Variants in KIRREL3 observed in about 807,000 individuals in gnomAD.
KIRREL3 encodes the protein kin of IRRE-like protein 3.
A neutral mutation model predicts 89.7 loss-of-function variants in KIRREL3; 36 were observed. The ratio of observed to expected loss-of-function variants is 0.40; its 90% CI spans 0.31 to 0.53. KIRREL3 has a LOEUF of 0.53. Ranked by LOEUF, KIRREL3 falls within the 20% of genes least tolerant of loss-of-function variation. KIRREL3 has a pLI of 0.49. For synonymous variants in KIRREL3, 445 were observed against 441.4 expected (o/e 1.01, Z -0.10); for missense variants, 864 against 1,056.6 (o/e 0.82, Z 2.53).
At chr11:126,790,450 A>T (rs1202923932) in intron 1 of KIRREL3, among the ~76,000 whole-genome samples, 1 of 152,146 alleles carries the variant, frequency 6.6e-6, no homozygotes, top group African/African-American at 2.4e-5. Flanking sequence ...CAGTTTCTTG[A>T]TCTATAAAAT....
At chr11:126,452,215 T>A (rs928593336) in intron 7 of KIRREL3, among the ~76,000 whole-genome samples, 2 of 152,166 alleles carry the variant, frequency 1.3e-5, no homozygotes, top group African/African-American at 4.8e-5. Context: ...GCAAACCATA[T>A]CTCCCTTAGA....
rs1056140098 is a variant in KIRREL3, at chr11:126,814,208, C to G, written c.55+186247G>C. 7.9e-5 allele frequency among the ~76,000 whole-genome samples: 12 copies of G among 151,996 alleles called. No homozygotes were observed. The highest frequency in any genetic ancestry group is 6.6e-4 in the Admixed American group (10 of 15,256). On this transcript the variant is annotated intron_variant, in intron 1 of 16. Coordinates refer to ENST00000525144, the MANE Select transcript of KIRREL3 (RefSeq NM_032531.4). This position sits in a 1 kb window ranked among gnomAD's most constrained non-coding sequence, Gnocchi z 4.4. ...TGCAAATAAAAACCACAATGACATA[C>G]CATCTCATGCCAGGCAGAATGGCTT...
In KIRREL3 at chr11:126,431,307, C is replaced by T. The variant is rs763098522; in HGVS notation, c.1696+112G>A. 3.9e-5 allele frequency: 60 copies of T among 1,553,730 alleles called. No homozygotes were observed. Among genetic ancestry groups the T allele is most frequent in the Non-Finnish European group, 4.8e-5 (55 of 1,148,364 alleles). On this transcript the variant is annotated intron_variant, in intron 14 of 16. Transcript: ENST00000525144. This position sits in a 1 kb window ranked among gnomAD's most constrained non-coding sequence, Gnocchi z 7.1. The stretch of plus-strand genomic sequence containing the variant: ...CACTCCCTGCCCCAGGAGCTCACAG[C>T]ACTGTTAGGACCCCTGTTCATTGCA...
intron 1 of KIRREL3, among the ~76,000 whole-genome samples, chr11:126,588,144 G>A (rs900442709): frequency 6.6e-6 from 1 of 152,190 alleles, no homozygotes; most frequent in Non-Finnish European, 1.5e-5. Context: ...CCGGCTCATG[G>A]AATCATTGTG....
chr11:126,668,820 T>C lies in KIRREL3; in HGVS notation c.56-105908A>G, dbSNP rs546519663. Among the ~76,000 whole-genome samples the C allele has an allele frequency of 1.0e-3, 156 of 151,880 alleles. 1 individual carries two copies. Among genetic ancestry groups the C allele is most frequent in the Non-Finnish European group, 1.7e-3 (115 of 67,968 alleles). ...GGTGGCTCACCTGGGCTTTTAATAA[T>C]GTTTGGCTCCATTTTAAACCCCTGG... On this transcript the variant is annotated intron_variant, in intron 1 of 16. Coordinates refer to ENST00000525144, the MANE Select transcript of KIRREL3 (RefSeq NM_032531.4). This position sits in a 1 kb window ranked among gnomAD's most constrained non-coding sequence, Gnocchi z 4.4.
At chr11:126,630,554 G>C (rs545304093) in intron 1 of KIRREL3, among the ~76,000 whole-genome samples, 1 of 152,296 alleles carries the variant, frequency 6.6e-6, no homozygotes, top group South Asian at 2.1e-4. Context: ...ACTCCACTCA[G>C]ATACACTCTC....
At chr11:126,982,009 G>A (rs1949735841) in intron 1 of KIRREL3, among the ~76,000 whole-genome samples, 1 of 152,100 alleles carries the variant, frequency 6.6e-6, no homozygotes, top group African/African-American at 2.4e-5. Flanking sequence ...AATAAATAGG[G>A]GAAGCTCTGC....
intron 1 of KIRREL3, among the ~76,000 whole-genome samples, chr11:126,845,115 A>G (rs571993250): frequency 6.6e-5 from 10 of 152,278 alleles, no homozygotes; most frequent in South Asian, 6.2e-4. Flanking sequence ...TTTGGGCCTT[A>G]CAAGTTTGAT....
At position 126,924,365 on chromosome 11, in the gene KIRREL3, C is replaced by T. The variant is rs1022544065; in HGVS notation, c.55+76090G>A. On this transcript the variant is annotated intron_variant, in intron 1 of 16. Transcript: ENST00000525144. This position sits in a 1 kb window ranked among gnomAD's most constrained non-coding sequence, Gnocchi z 4.7. ...TTACACCCTTCAGAAAGCTGTCTCC[C>T]AGCACCTAGCATAACACCAGGTCCT... Among the ~76,000 whole-genome samples, 3 of 152,192 alleles carry T rather than the reference C, an allele frequency of 2.0e-5. No individual in the cohort carries two copies. Among genetic ancestry groups the T allele is most frequent in the African/African-American group, 7.2e-5 (3 of 41,444 alleles).
At chr11:126,461,501 G>A (rs1029200871) in intron 6 of KIRREL3, among the ~76,000 whole-genome samples, 5 of 152,132 alleles carry the variant, frequency 3.3e-5, no homozygotes, top group African/African-American at 1.2e-4. Flanking sequence ...CTTGGTACAG[G>A]GGTATGTCGG....
At chr11:126,960,901 G>T (rs1162242449) in intron 1 of KIRREL3, among the ~76,000 whole-genome samples, 2 of 151,950 alleles carry the variant, frequency 1.3e-5, no homozygotes, top group Non-Finnish European at 2.9e-5. Flanking sequence ...CTCACATTAT[G>T]GTTATTATCC....
chr11:126,902,018 T>C (rs1231931770), intron 1 of KIRREL3, among the ~76,000 whole-genome samples: 1 of 152,218 alleles, frequency 6.6e-6, no homozygotes, highest in Non-Finnish European at 1.5e-5. Context: ...TCTTCTCTTA[T>C]GCAGGAGAAT....
intron 12 of KIRREL3, among the ~76,000 whole-genome samples, 178 bp downstream of exon 12, chr11:126,436,633 C>A (rs951831857): frequency 6.6e-6 from 1 of 152,236 alleles, no homozygotes; most frequent in Non-Finnish European, 1.5e-5. Flanking sequence ...CTTGCTTCAG[C>A]GAGAGCCTGG....
rs555101188 is a variant in KIRREL3 at position 126,570,596 on chromosome 11, T to C, written c.56-7684A>G. Reference sequence around the variant, plus strand: ...ACGTGCCGATCAGCACCTTACAGCTTGGTAAGCAGTGGCAGTGCCTAACAC... The same window carrying C: ...ACGTGCCGATCAGCACCTTACAGCTCGGTAAGCAGTGGCAGTGCCTAACAC... On this transcript the variant is annotated intron_variant, in intron 1 of 16. Coordinates refer to ENST00000525144, the MANE Select transcript of KIRREL3 (RefSeq NM_032531.4). The surrounding 1 kb of genome is among the most constrained non-coding windows in gnomAD (Gnocchi z 6.1). 1.2e-4 allele frequency among the ~76,000 whole-genome samples: 18 copies of C among 152,276 alleles called. No homozygotes were observed. The South Asian group carries it at 3.3e-3, about 28-fold the overall frequency.
chr11:126,853,745 A>AAAAAC (rs1944414975), intron 1 of KIRREL3, among the ~76,000 whole-genome samples: 1 of 152,136 alleles, frequency 6.6e-6, no homozygotes, highest in Admixed American at 6.5e-5. Context: ...AACTTAAAAA[A>AAAAAC]AAAACAAAAC....
At chr11:126,648,845 C>T (rs1040581439) in intron 1 of KIRREL3, among the ~76,000 whole-genome samples, 2 of 152,092 alleles carry the variant, frequency 1.3e-5, no homozygotes, top group Non-Finnish European at 2.9e-5. Flanking sequence ...TTCATTTTGC[C>T]TGGTTGAATG....
At chr11:126,813,540 T>C (rs2134430700) in intron 1 of KIRREL3, among the ~76,000 whole-genome samples, 1 of 152,334 alleles carries the variant, frequency 6.6e-6, no homozygotes, top group South Asian at 2.1e-4. Context: ...GTGGGAATTC[T>C]GCCCAAAGAA....
At chr11:126,798,599 T>TG (rs1950887594) in intron 1 of KIRREL3, among the ~76,000 whole-genome samples, 1 of 152,178 alleles carries the variant, frequency 6.6e-6, no homozygotes, top group South Asian at 2.1e-4. Flanking sequence ...GTGGGGAGTG[T>TG]GGGGGAACCC....
chr11:126,437,191 T>C lies in KIRREL3; in HGVS notation c.1354-182A>G, dbSNP rs1396497559. ...CACCACAAATATGCACACATGCAGGTGCACACACAACACGCATCACCACAC... is the reference window on the plus strand; with the variant it reads ...CACCACAAATATGCACACATGCAGGCGCACACACAACACGCATCACCACAC... On this transcript the variant is annotated intron_variant, in intron 11 of 16. Coordinates refer to ENST00000525144, the MANE Select transcript of KIRREL3 (RefSeq NM_032531.4). Among the ~76,000 whole-genome samples, 6 of 151,972 alleles carry C rather than the reference T, an allele frequency of 3.9e-5. No homozygotes were observed. The South Asian group carries it at 1.0e-3, about 26-fold the overall frequency.
Sources: allele counts gnomAD v4.1 joint callset (sites outside exome capture counted in the v4.1 genomes callset), GRCh38; gene constraint gnomAD v4.1.1; non-coding constraint Gnocchi (gnomAD v3.1); transcripts MANE v1.5; gene names NCBI Gene and HGNC (gene_info 2026-07-23, HGNC 2026-07-21).